The following MSI2 variants were observed in gnomAD, a reference collection of about 807,000 sequenced individuals.
MSI2 encodes musashi RNA binding protein 2, also known as RNA-binding protein Musashi homolog 2.
A neutral mutation model predicts 45.6 loss-of-function variants in MSI2; 17 were observed. The ratio of observed to expected loss-of-function variants is 0.37; its 90% CI spans 0.26 to 0.56. MSI2 has a LOEUF of 0.56. Ranked by LOEUF, MSI2 falls within the 20% of genes least tolerant of loss-of-function variation. The pLI, the probability that MSI2 is intolerant of heterozygous loss-of-function variation, is 0.77. For synonymous variants in MSI2, 156 were observed against 158.2 expected (o/e 0.99, Z 0.11); for missense variants, 293 against 444.2 (o/e 0.66, Z 3.06).
intron 6 of MSI2, among the ~76,000 whole-genome samples, chr17:57,474,106 G>T (rs1237531286): frequency 6.6e-6 from 1 of 152,010 alleles, no homozygotes; most frequent in Non-Finnish European, 1.5e-5. Flanking sequence ...CGAAGTTGGG[G>T]GTATTTGCTG....
chr17:57,669,762 C>T (rs1598511144), intron 11 of MSI2, among the ~76,000 whole-genome samples: 1 of 152,314 alleles, frequency 6.6e-6, no homozygotes, highest in South Asian at 2.1e-4. Context: ...GCCGTGACAC[C>T]AGTCAGCCCA....
At chr17:57,495,548 A>AAAAAAAAAAAAG (rs1555613511) in intron 6 of MSI2, among the ~76,000 whole-genome samples, 2 of 145,300 alleles carry the variant, frequency 1.4e-5, no homozygotes, top group African/African-American at 2.7e-5. Context: ...AAAAAAAAAA[A>AAAAAAAAAAAAG]AAAAGAAAGC....
downstream of MSI2, among the ~76,000 whole-genome samples, chr17:57,687,759 G>A (rs1913912305): frequency 6.6e-6 from 1 of 151,956 alleles, no homozygotes; most frequent in African/African-American, 2.4e-5. Flanking sequence ...ACCCAATACA[G>A]TAATAAAACA....
chr17:57,371,210 T>C (rs919206749), intron 5 of MSI2, among the ~76,000 whole-genome samples: 5 of 152,174 alleles, frequency 3.3e-5, no homozygotes, highest in Non-Finnish European at 7.4e-5. Flanking sequence ...CCACAAAACA[T>C]GGCAAGGTTG....
chr17:57,473,337 C>T (rs1365042879), intron 6 of MSI2, among the ~76,000 whole-genome samples: 1 of 152,046 alleles, frequency 6.6e-6, no homozygotes, highest in Non-Finnish European at 1.5e-5. Context: ...TGCATAGGTC[C>T]CCCCACACGG....
intron 5 of MSI2, among the ~76,000 whole-genome samples, chr17:57,329,303 G>A (rs1244819735): frequency 2.0e-5 from 3 of 152,148 alleles, no homozygotes; most frequent in African/African-American, 7.2e-5. Context: ...CTTTTGGCTT[G>A]GTTGTTAAAG....
At chr17:57,505,702 G>C (rs1304946756) in intron 6 of MSI2, among the ~76,000 whole-genome samples, 2 of 152,094 alleles carry the variant, frequency 1.3e-5, no homozygotes, top group Admixed American at 6.5e-5. Flanking sequence ...TGGTTATTTG[G>C]TATGGCCGAG....
chr17:57,399,815 C>G (rs770804447), intron 5 of MSI2, among the ~76,000 whole-genome samples: 4 of 152,206 alleles, frequency 2.6e-5, no homozygotes, highest in Admixed American at 6.5e-5. Flanking sequence ...GAAGTGAGTC[C>G]TGCCCAGGGT....
intron 9 of MSI2, chr17:57,626,980 A>G: frequency 1.7e-6 from 1 of 574,946 alleles, no homozygotes. Context: ...CTGAAGGTTC[A>G]GGAAAGTACA....
intron 5 of MSI2, among the ~76,000 whole-genome samples, chr17:57,345,134 C>T (rs943889721): frequency 4.6e-5 from 7 of 152,190 alleles, no homozygotes; most frequent in Admixed American, 3.3e-4. Flanking sequence ...GACAACCACC[C>T]CCATCCCAGC....
intron 5 of MSI2, among the ~76,000 whole-genome samples, chr17:57,331,749 G>A (rs1462866492): frequency 1.3e-5 from 2 of 152,138 alleles, no homozygotes; most frequent in African/African-American, 4.8e-5. Flanking sequence ...GAACAGTGAA[G>A]GCGTATCAGC....
chr17:57,450,661 A>G (rs1357340639), intron 6 of MSI2, among the ~76,000 whole-genome samples: 2 of 124,634 alleles, frequency 1.6e-5, no homozygotes, highest in East Asian at 4.7e-4. Context: ...ACAGAGCAAG[A>G]CTGCATCTCA....
intron 7 of MSI2, among the ~76,000 whole-genome samples, chr17:57,559,432 A>G (rs988170256): frequency 6.6e-6 from 1 of 152,200 alleles, no homozygotes; most frequent in Non-Finnish European, 1.5e-5. Context: ...CCCATTGGCA[A>G]TACCAACTTC....
At chr17:57,337,708 C>T (rs1914791533) in intron 5 of MSI2, among the ~76,000 whole-genome samples, 1 of 152,216 alleles carries the variant, frequency 6.6e-6, no homozygotes, top group African/African-American at 2.4e-5. Context: ...CAAGCCAAAA[C>T]AGCGGCTGCT....
chr17:57,554,308 A>C (rs1160173892), intron 7 of MSI2, among the ~76,000 whole-genome samples: 1 of 152,074 alleles, frequency 6.6e-6, no homozygotes, highest in Non-Finnish European at 1.5e-5. Context: ...CTCAAAGTAA[A>C]TTCATAGTTT....
intron 5 of MSI2, among the ~76,000 whole-genome samples, chr17:57,380,069 T>C (rs1468990867): frequency 6.6e-6 from 1 of 152,186 alleles, no homozygotes; most frequent in Non-Finnish European, 1.5e-5. Flanking sequence ...AAGCAAGTTG[T>C]CACAGAGGTG....
intron 9 of MSI2, among the ~76,000 whole-genome samples, chr17:57,621,789 A>G (rs1314257147): frequency 6.6e-6 from 1 of 152,240 alleles, no homozygotes; most frequent in Non-Finnish European, 1.5e-5. Context: ...ACAGAATCAC[A>G]GAATAATCAA....
chr17:57,293,145 A>G (rs1033653838), intron 5 of MSI2, among the ~76,000 whole-genome samples: 6 of 151,636 alleles, frequency 4.0e-5, no homozygotes, highest in Non-Finnish European at 7.4e-5. Context: ...CTTGGTCAGC[A>G]TTACCCAGTG....
At chr17:57,262,016 T>A in intron 4 of MSI2, 135 bp from the exon 5 acceptor site, 1 of 883,700 alleles carries the variant, frequency 1.1e-6, no homozygotes. Context: ...TTTAAGAAAC[T>A]TTTGAGTTGC....
Sources: allele counts gnomAD v4.1 joint callset (sites outside exome capture counted in the v4.1 genomes callset), GRCh38; gene constraint gnomAD v4.1.1; transcripts MANE v1.5; gene names NCBI Gene and HGNC (gene_info 2026-07-23, HGNC 2026-07-21).